UPRT: variants seen among roughly 807,000 people sequenced by gnomAD.
UPRT encodes uracil phosphoribosyltransferase homolog.
In UPRT, 5 loss-of-function variants were observed where a neutral mutation model predicts 22.6. That is an observed-to-expected ratio of 0.22 (90% CI 0.12 to 0.47). The LOEUF (loss-of-function observed/expected upper bound fraction) is 0.47, where lower values mean the gene tolerates loss of function less well. UPRT is among the 20% of genes least tolerant of loss of function. UPRT has a pLI of 0.99. For synonymous variants in UPRT, 77 were observed against 87.7 expected, an observed-to-expected ratio of 0.88 and a Z score of 0.68; for missense variants, 181 against 239.9, an observed-to-expected ratio of 0.75 and a Z score of 1.62.
At chrX:75,254,515 A>G (rs1349758818) in intron 4 of UPRT, among the ~76,000 whole-genome samples, 1 of 112,029 alleles carries the variant, frequency 8.9e-6, no homozygotes, top group Non-Finnish European at 1.9e-5. Flanking sequence ...AAAGCCTCCA[A>G]GAAGTCCGGC....
At chrX:75,263,353 C>G (rs2082575454) in intron 4 of UPRT, among the ~76,000 whole-genome samples, 2 of 111,274 alleles carry the variant, frequency 1.8e-5, no homozygotes, top group Admixed American at 1.9e-4. Flanking sequence ...TGGCCCTGTA[C>G]TTTTTTTGGT....
At chrX:75,269,309 T>A, upstream of UPRT, among the ~76,000 whole-genome samples, 1 of 111,685 alleles carries the variant, frequency 9.0e-6, no homozygotes, top group East Asian at 2.8e-4. Context: ...AGAACCAATA[T>A]CGTGAAAATG....
At chrX:75,303,372 C>A in intron 6 of UPRT, 33 bp from the exon 7 acceptor site, 1 of 1,120,503 alleles carries the variant, frequency 8.9e-7, no homozygotes, top group Non-Finnish European at 1.2e-6. Context: ...GTTACCAAAA[C>A]ATCCTACCAT....
intron 3 of UPRT, among the ~76,000 whole-genome samples, chrX:75,166,580 TC>T (rs1163314347): frequency 8.9e-6 from 1 of 111,820 alleles, no homozygotes; most frequent in African/African-American, 3.3e-5. Context: ...TCTTTCCAAT[TC>T]TTTTTTTTTA....
chrX:75,204,258 G>A (rs1240149657), intron 4 of UPRT, among the ~76,000 whole-genome samples: 2 of 111,706 alleles, frequency 1.8e-5, no homozygotes, highest in African/African-American at 6.5e-5. Context: ...CTGCTAACAG[G>A]GGAATTAAGT....
At chrX:75,255,560 C>T (rs2082547014) in intron 4 of UPRT, among the ~76,000 whole-genome samples, 1 of 111,777 alleles carries the variant, frequency 8.9e-6, no homozygotes, top group African/African-American at 3.3e-5. Flanking sequence ...TTAGAAGATA[C>T]AGAACCGCAG....
chrX:75,264,785 C>T (rs1030920009), intron 4 of UPRT, among the ~76,000 whole-genome samples: 1 of 111,734 alleles, frequency 8.9e-6, no homozygotes, highest in Non-Finnish European at 1.9e-5. Context: ...TTCCCAGCCT[C>T]GATGGTCTCT....
intron 4 of UPRT, among the ~76,000 whole-genome samples, chrX:75,230,618 A>G (rs754907039): frequency 1.2e-4 from 14 of 112,242 alleles, no homozygotes; most frequent in Non-Finnish European, 2.4e-4. Flanking sequence ...CCACATGACA[A>G]CTTGACTGCT....
intron 4 of UPRT, among the ~76,000 whole-genome samples, chrX:75,182,694 G>A (rs968512766): frequency 9.0e-6 from 1 of 111,571 alleles, no homozygotes; most frequent in Non-Finnish European, 1.9e-5. Flanking sequence ...GTCAGATAAT[G>A]TTCTCTTTTT....
At chrX:75,206,093 T>C (rs1038030989) in intron 4 of UPRT, among the ~76,000 whole-genome samples, 2 of 111,587 alleles carry the variant, frequency 1.8e-5, no homozygotes, top group Non-Finnish European at 3.8e-5. Flanking sequence ...TTACAGCCTT[T>C]GCCAGCTGTT....
chrX:75,188,602 G>A (rs1294078943), intron 4 of UPRT, among the ~76,000 whole-genome samples: 1 of 112,703 alleles, frequency 8.9e-6, no homozygotes, highest in African/African-American at 3.2e-5. Context: ...CTGGGCAATG[G>A]CGGGCGCCCC....
chrX:75,248,250 C>G (rs1198945865), intron 4 of UPRT, among the ~76,000 whole-genome samples: 2 of 111,616 alleles, frequency 1.8e-5, no homozygotes, highest in African/African-American at 6.5e-5. Flanking sequence ...TTCAGATGAT[C>G]AAACTACTCC....
At chrX:75,264,437 T>C (rs905515903) in intron 4 of UPRT, among the ~76,000 whole-genome samples, 90 of 111,931 alleles carry the variant, frequency 8.0e-4, no homozygotes, top group Admixed American at 1.5e-3. Flanking sequence ...GTTAGGATAG[T>C]TAGCTCTTCT....
chrX:75,203,374 A>G (rs192993246), intron 4 of UPRT, among the ~76,000 whole-genome samples: 1 of 110,713 alleles, frequency 9.0e-6, no homozygotes, highest in African/African-American at 3.3e-5. Context: ...CATTGTCAAT[A>G]TTAGACAGAT....
At chrX:75,202,628 A>T in intron 4 of UPRT, 1 of 112,310 alleles carries the variant, frequency 8.9e-6, no homozygotes, top group East Asian at 2.8e-4. Context: ...ATAGAAGCAA[A>T]AAACAAGGGC....
At chrX:75,256,036 T>C (rs764481567) in intron 4 of UPRT, among the ~76,000 whole-genome samples, 1 of 111,597 alleles carries the variant, frequency 9.0e-6, no homozygotes, top group South Asian at 3.8e-4. Flanking sequence ...ATTCATAACA[T>C]TCCATCCAAC....
intron 4 of UPRT, among the ~76,000 whole-genome samples, chrX:75,233,386 C>T (rs1023863540): frequency 1.8e-5 from 2 of 111,394 alleles, no homozygotes; most frequent in South Asian, 3.8e-4. Flanking sequence ...ATGAGAACTT[C>T]CCCAATCTCG....
intron 4 of UPRT, among the ~76,000 whole-genome samples, chrX:75,212,538 C>G (rs2082382815): frequency 8.9e-6 from 1 of 111,801 alleles, no homozygotes; most frequent in Non-Finnish European, 1.9e-5. Flanking sequence ...TGGAATCAAC[C>G]CAAAGGCCCA....
chrX:75,219,735 A>G (rs1487054920), intron 4 of UPRT, among the ~76,000 whole-genome samples: 1 of 111,455 alleles, frequency 9.0e-6, no homozygotes, highest in East Asian at 2.8e-4. Flanking sequence ...TTATTATTAG[A>G]GTTAAAGAGA....
Sources: gnomAD v4.1 joint callset for allele counts (sites outside exome capture counted in the v4.1 genomes callset) on GRCh38, gnomAD v4.1.1 for gene constraint, MANE v1.5 for transcripts, NCBI Gene and HGNC (gene_info 2026-07-23, HGNC 2026-07-21) for gene names.